CDK17: variants seen among roughly 807,000 people sequenced by gnomAD.
CDK17 encodes cyclin dependent kinase 17, also known as cyclin-dependent kinase 17.
In CDK17, 24 loss-of-function variants were observed where a neutral mutation model predicts 77.6. That is an observed-to-expected ratio of 0.31 (90% CI 0.22 to 0.44). The LOEUF (loss-of-function observed/expected upper bound fraction) is 0.44. Among genes scored for constraint, CDK17 ranks in the 20% least tolerant of loss-of-function variants. The pLI, the probability that CDK17 is intolerant of heterozygous loss-of-function variation, is 1.00. For synonymous variants in CDK17, 203 were observed against 210.4 expected, an observed-to-expected ratio of 0.96 and a Z score of 0.30; for missense variants, 429 against 622.5, an observed-to-expected ratio of 0.69 and a Z score of 3.31.
intron 1 of CDK17, among the ~76,000 whole-genome samples, chr12:96,378,105 G>A (rs555940466): frequency 1.2e-4 from 18 of 152,324 alleles, no homozygotes; most frequent in African/African-American, 4.3e-4. Flanking sequence ...TCTTACATTA[G>A]TATGGTACTT....
At chr12:96,382,356 T>TA (rs34300589) in intron 1 of CDK17, among the ~76,000 whole-genome samples, 59,586 of 133,868 alleles carry the variant, frequency 0.45, 13,648 homozygotes, top group African/African-American at 0.61. Flanking sequence ...AATCAGTAAT[T>TA]AAAAAAAAAA....
intron 13 of CDK17, 21 bp from the exon 14 acceptor site, chr12:96,283,666 G>C: frequency 6.4e-7 from 1 of 1,559,910 alleles, no homozygotes; most frequent in Non-Finnish European, 8.8e-7. Flanking sequence ...CAAAGAACAA[G>C]TAAAAATTTA....
At chr12:96,305,664 T>G (rs1952567529) in intron 5 of CDK17, among the ~76,000 whole-genome samples, 1 of 152,038 alleles carries the variant, frequency 6.6e-6, no homozygotes, top group South Asian at 2.1e-4. Context: ...GGTATATGCA[T>G]AGGTAGATTT....
intron 3 of CDK17, among the ~76,000 whole-genome samples, chr12:96,323,287 A>AC (rs1373290728): frequency 9.9e-6 from 1 of 100,634 alleles, no homozygotes; most frequent in African/African-American, 3.7e-5. Context: ...AAAAAAAACA[A>AC]AAACAAACAA....
At chr12:96,341,318 T>TAA (rs1953118437) in intron 1 of CDK17, among the ~76,000 whole-genome samples, 1 of 148,696 alleles carries the variant, frequency 6.7e-6, no homozygotes, top group Non-Finnish European at 1.5e-5. Context: ...ATCATATACA[T>TAA]ACACACACAC....
At chr12:96,346,510 C>T (rs1331588781) in intron 1 of CDK17, among the ~76,000 whole-genome samples, 2 of 152,000 alleles carry the variant, frequency 1.3e-5, no homozygotes, top group African/African-American at 2.4e-5. Flanking sequence ...CACCTATAAT[C>T]CCAGCTATTC....
intron 6 of CDK17, 70 bp downstream of exon 6, chr12:96,300,234 C>G (rs372313688): frequency 4.2e-5 from 42 of 1,005,490 alleles, no homozygotes; most frequent in Non-Finnish European, 5.9e-5. Context: ...TAACAAAAAC[C>G]GTGGAGTAAC....
At chr12:96,395,471 A>T (rs1954154110) in intron 1 of CDK17, among the ~76,000 whole-genome samples, 1 of 152,194 alleles carries the variant, frequency 6.6e-6, no homozygotes, top group Admixed American at 6.5e-5. Context: ...ACAATGACTT[A>T]ACCTAAGGTC....
At chr12:96,370,163 T>C (rs567418755) in intron 1 of CDK17, among the ~76,000 whole-genome samples, 1 of 152,266 alleles carries the variant, frequency 6.6e-6, no homozygotes, top group Admixed American at 6.5e-5. Context: ...TGTGAGAAAA[T>C]TGGAACATGT....
chr12:96,386,406 T>C (rs1252374043), intron 1 of CDK17, among the ~76,000 whole-genome samples: 1 of 152,158 alleles, frequency 6.6e-6, no homozygotes, highest in Non-Finnish European at 1.5e-5. Context: ...CTCGGCACTT[T>C]GGGAGGCCAA....
intron 1 of CDK17, among the ~76,000 whole-genome samples, chr12:96,375,738 G>A (rs986255887): frequency 1.3e-5 from 2 of 151,868 alleles, no homozygotes; most frequent in African/African-American, 4.8e-5. Flanking sequence ...TAGAGATGGG[G>A]TTTCACGATG....
chr12:96,334,206 AT>A (rs1350936040), intron 2 of CDK17, among the ~76,000 whole-genome samples: 2 of 152,162 alleles, frequency 1.3e-5, no homozygotes, highest in Non-Finnish European at 2.9e-5. Flanking sequence ...TCCTCTAGAA[AT>A]TTCACCAGGA....
intron 13 of CDK17, 147 bp from the exon 14 acceptor site, chr12:96,283,792 G>A (rs1952208698): frequency 1.8e-6 from 1 of 547,470 alleles, no homozygotes; most frequent in Non-Finnish European, 3.2e-6. Flanking sequence ...ACACAAATCT[G>A]TTTTAGTCTT....
chr12:96,330,231 TTC>T (rs1233988304), intron 2 of CDK17, among the ~76,000 whole-genome samples: 1 of 152,126 alleles, frequency 6.6e-6, no homozygotes, highest in African/African-American at 2.4e-5. Flanking sequence ...AAATATAACT[TTC>T]TGTGATAAGT....
intron 1 of CDK17, among the ~76,000 whole-genome samples, chr12:96,392,230 A>C (rs1954081072): frequency 6.6e-6 from 1 of 152,228 alleles, no homozygotes; most frequent in African/African-American, 2.4e-5. Flanking sequence ...TTTGGGCTTA[A>C]AAATGAGAAT....
At chr12:96,328,819 T>C (rs1321824474) in intron 2 of CDK17, among the ~76,000 whole-genome samples, 1 of 152,070 alleles carries the variant, frequency 6.6e-6, no homozygotes, top group African/African-American at 2.4e-5. Flanking sequence ...AACATATATA[T>C]GGTAGTTGAA....
chr12:96,284,049 T>C (rs1446542008), intron 13 of CDK17, among the ~76,000 whole-genome samples: 1 of 152,200 alleles, frequency 6.6e-6, no homozygotes, highest in Non-Finnish European at 1.5e-5. Context: ...GACCCCAAAA[T>C]GTATCACTGT....
At chr12:96,352,340 A>G (rs1953324019) in intron 1 of CDK17, among the ~76,000 whole-genome samples, 2 of 152,012 alleles carry the variant, frequency 1.3e-5, no homozygotes, top group African/African-American at 4.8e-5. Flanking sequence ...GTATTAGTTC[A>G]GTGCTCTCTC....
intron 1 of CDK17, chr12:96,387,013 T>TA: frequency 3.2e-6 from 1 of 316,080 alleles, no homozygotes. Flanking sequence ...TATCTAATGT[T>TA]ACTTCCTCAA....
Sources: allele counts gnomAD v4.1 joint callset (sites outside exome capture counted in the v4.1 genomes callset), GRCh38; gene constraint gnomAD v4.1.1; transcripts MANE v1.5; gene names NCBI Gene and HGNC (gene_info 2026-07-23, HGNC 2026-07-21).